Variants in FHIT observed in about 807,000 individuals in gnomAD.
The protein encoded by FHIT is fragile histidine triad diadenosine triphosphatase.
FHIT carries 19 observed loss-of-function variants against 17.9 expected under a neutral mutation model. That is an observed-to-expected ratio of 1.06 (90% confidence interval 0.74 to 1.56). The LOEUF is 1.56. Among genes scored for constraint, FHIT ranks in the 40% most tolerant of loss-of-function variants. The pLI, the probability that FHIT is intolerant of heterozygous loss-of-function variation, is 0.00. For missense variants in FHIT, 248 were observed against 189.2 expected (o/e 1.31, Z -1.82); for synonymous variants, 81 against 69.7 (o/e 1.16, Z -0.81).
rs141723336 is a variant in FHIT at position 61,185,311 on chromosome 3, C to T, written c.-164+15306G>A. ...GCTTCCCAGAACCCTGAGGGAGACA[C>T]TGATTATTTTCCTTACAGGGATGCT... On this transcript the variant is annotated intron_variant, in intron 2 of 9. Coordinates refer to ENST00000492590, the MANE Select transcript of FHIT (RefSeq NM_002012.4). Among the ~76,000 whole-genome samples the T allele has an allele frequency of 4.4e-3, 664 of 152,282 alleles. 9 individuals are homozygous for T. The highest frequency in any genetic ancestry group is 0.015 in the African/African-American group (637 of 41,536).
chr3:59,984,642 T>A (rs11130743), intron 7 of FHIT, among the ~76,000 whole-genome samples: 54,644 of 151,818 alleles, frequency 0.36, 10,768 homozygotes, highest in East Asian at 0.53. Context: ...TCCCAGAGAA[T>A]GGAACCAAGG....
intron 7 of FHIT, among the ~76,000 whole-genome samples, chr3:59,924,134 T>C (rs1369523150): frequency 3.9e-5 from 6 of 152,166 alleles, no homozygotes; most frequent in African/African-American, 1.4e-4. Context: ...GGCTGAAATC[T>C]ACTGAAATCT....
intron 7 of FHIT, among the ~76,000 whole-genome samples, chr3:59,935,900 T>G (rs1706213115): frequency 6.6e-6 from 1 of 152,220 alleles, no homozygotes; most frequent in African/African-American, 2.4e-5. Flanking sequence ...AAAGTTCTTG[T>G]GCATACAAAG....
chr3:59,823,353 T>A (rs906997062), intron 8 of FHIT, among the ~76,000 whole-genome samples: 1 of 152,188 alleles, frequency 6.6e-6, no homozygotes, highest in African/African-American at 2.4e-5. Context: ...TTTATGGGAA[T>A]TGCATTGAAT....
At chr3:61,082,679 T>G (rs1319913548) in intron 2 of FHIT, among the ~76,000 whole-genome samples, 1 of 152,238 alleles carries the variant, frequency 6.6e-6, no homozygotes, top group African/African-American at 2.4e-5. Flanking sequence ...TTCCAGTTGC[T>G]TCATACCCTT....
chr3:60,547,229 A>C (rs1246981187), intron 4 of FHIT, among the ~76,000 whole-genome samples: 2 of 152,228 alleles, frequency 1.3e-5, no homozygotes, highest in East Asian at 3.8e-4. Context: ...GGAATTTTCC[A>C]GGGAAAATCA....
At chr3:59,797,580 G>C (rs896469165) in intron 8 of FHIT, among the ~76,000 whole-genome samples, 5 of 152,178 alleles carry the variant, frequency 3.3e-5, no homozygotes, top group African/African-American at 1.2e-4. Flanking sequence ...CATGTAAGGA[G>C]GATGTAGTTC....
At chr3:60,362,159 T>A (rs1158561284) in intron 5 of FHIT, among the ~76,000 whole-genome samples, 1 of 152,172 alleles carries the variant, frequency 6.6e-6, no homozygotes, top group Non-Finnish European at 1.5e-5. Context: ...GGTTACTAAG[T>A]GAACCAAATT....
At chr3:60,355,264 T>C (rs749436508) in intron 5 of FHIT, among the ~76,000 whole-genome samples, 20 of 152,230 alleles carry the variant, frequency 1.3e-4, no homozygotes, top group Non-Finnish European at 2.8e-4. Flanking sequence ...TTCCATTTTA[T>C]TCTAGCAATT....
chr3:60,161,653 T>C (rs561203658), intron 5 of FHIT, among the ~76,000 whole-genome samples: 12 of 151,800 alleles, frequency 7.9e-5, no homozygotes, highest in African/African-American at 2.9e-4. Context: ...TGTTTCGAGG[T>C]AGGTAACTCA....
At chr3:60,361,446 G>A (rs1576537469) in intron 5 of FHIT, among the ~76,000 whole-genome samples, 1 of 152,114 alleles carries the variant, frequency 6.6e-6, no homozygotes, top group South Asian at 2.1e-4. Flanking sequence ...AACTGTAGAG[G>A]AGGTTGAATG....
chr3:60,051,112 G>A (rs1337748652), intron 5 of FHIT, among the ~76,000 whole-genome samples: 1 of 152,130 alleles, frequency 6.6e-6, no homozygotes, highest in Non-Finnish European at 1.5e-5. Context: ...CTTCTGGTCT[G>A]CATAACAGGA....
At chr3:59,826,697 T>C (rs901423296) in intron 8 of FHIT, among the ~76,000 whole-genome samples, 2 of 152,274 alleles carry the variant, frequency 1.3e-5, no homozygotes, top group African/African-American at 4.8e-5. Flanking sequence ...GTCTCATACA[T>C]GCTGCTGGAT....
chr3:60,085,242 C>G (rs367559766), intron 5 of FHIT, among the ~76,000 whole-genome samples: 1 of 152,026 alleles, frequency 6.6e-6, no homozygotes, highest in Admixed American at 6.6e-5. Context: ...AGATAAAAGA[C>G]GGGTACAGAC....
intron 2 of FHIT, among the ~76,000 whole-genome samples, chr3:61,169,007 T>G (rs2037920552): frequency 6.6e-6 from 1 of 152,198 alleles, no homozygotes; most frequent in Non-Finnish European, 1.5e-5. Flanking sequence ...GTGGGTTATT[T>G]TGTACTTTTC....
chr3:60,891,487 G>A (rs1188503239), intron 3 of FHIT, among the ~76,000 whole-genome samples: 2 of 152,136 alleles, frequency 1.3e-5, no homozygotes, highest in Non-Finnish European at 2.9e-5. Context: ...AATGGAATGG[G>A]TATATATAAC....
At chr3:60,195,553 A>ATATATATATATATATT (rs148013554) in intron 5 of FHIT, among the ~76,000 whole-genome samples, 9,251 of 136,386 alleles carry the variant, frequency 0.068, 405 homozygotes, top group African/African-American at 0.077. Flanking sequence ...TGTGATATAT[A>ATATATATATATATATT]TATATATTTA....
At chr3:60,254,438 C>A (rs573781787) in intron 5 of FHIT, among the ~76,000 whole-genome samples, 1 of 152,206 alleles carries the variant, frequency 6.6e-6, no homozygotes, top group South Asian at 2.1e-4. Context: ...ATCAAACGCA[C>A]AGCAGAGACA....
At chr3:60,231,205 A>C (rs1704479379) in intron 5 of FHIT, among the ~76,000 whole-genome samples, 2 of 152,246 alleles carry the variant, frequency 1.3e-5, no homozygotes, top group African/African-American at 2.4e-5. Context: ...CCTTCTTTGC[A>C]GATATATATG....
Sources: gnomAD v4.1 joint callset for allele counts (sites outside exome capture counted in the v4.1 genomes callset) on GRCh38, gnomAD v4.1.1 for gene constraint, MANE v1.5 for transcripts, NCBI Gene and HGNC (gene_info 2026-07-23, HGNC 2026-07-21) for gene names.